Variants in CNTNAP5 observed in about 807,000 individuals in gnomAD.
CNTNAP5 encodes the protein contactin-associated protein-like 5.
In CNTNAP5, 72 loss-of-function variants were observed where a neutral mutation model predicts 150.2. That is an observed-to-expected ratio of 0.48 (90% CI 0.40 to 0.58). The LOEUF (loss-of-function observed/expected upper bound fraction) is 0.58. CNTNAP5 is among the 20% of genes least tolerant of loss of function. CNTNAP5 has a pLI of 0.00. For missense variants in CNTNAP5, 1,636 were observed against 1,626.2 expected, an observed-to-expected ratio of 1.01 and a Z score of -0.10; for synonymous variants, 672 against 619.8, an observed-to-expected ratio of 1.08 and a Z score of -1.25.
intron 18 of CNTNAP5, among the ~76,000 whole-genome samples, chr2:124,793,557 T>G (rs1049466807): frequency 7.2e-5 from 11 of 152,214 alleles, no homozygotes; most frequent in Non-Finnish European, 1.5e-4. Flanking sequence ...TCTAGTCTCC[T>G]ATCTTTTTTA....
chr2:124,027,806 T>G (rs1404071759), intron 1 of CNTNAP5, among the ~76,000 whole-genome samples: 1 of 152,196 alleles, frequency 6.6e-6, no homozygotes, highest in Admixed American at 6.5e-5. Context: ...GAATAATTAT[T>G]AATGATCATT....
At chr2:124,269,500 A>G (rs1687689193) in intron 3 of CNTNAP5, among the ~76,000 whole-genome samples, 1 of 152,108 alleles carries the variant, frequency 6.6e-6, no homozygotes, top group Non-Finnish European at 1.5e-5. Flanking sequence ...CCAGTGAGCG[A>G]CAGGAGTTTT....
At chr2:124,258,667 A>C (rs1437951268) in intron 3 of CNTNAP5, among the ~76,000 whole-genome samples, 3 of 152,176 alleles carry the variant, frequency 2.0e-5, no homozygotes, top group Non-Finnish European at 4.4e-5. Flanking sequence ...GGACATAGGC[A>C]GTTGTGACTG....
Position 124,653,981 on chromosome 2 carries a change from A to C in CNTNAP5, c.2077+6023A>C, listed in dbSNP as rs72974584. On this transcript the variant is annotated intron_variant, in intron 13 of 23. Coordinates refer to ENST00000682447, the MANE Select transcript of CNTNAP5 (RefSeq NM_001367498.1). ...TGATGCTGAAAGGTCCAGAAGGACA[A>C]ATGACTAGAGTATCAGTGGATGTGG... 6.0e-3 allele frequency among the ~76,000 whole-genome samples: 900 copies of C among 149,004 alleles called. 11 individuals are homozygous for C. The highest frequency in any genetic ancestry group is 0.021 in the African/African-American group (845 of 40,566).
rs570743263 is a variant in CNTNAP5 at position 124,558,628 on chromosome 2, CTT to C, written c.1650-4587_1650-4586del. Among the ~76,000 whole-genome samples, 186 of 152,288 alleles carry C rather than the reference CTT, an allele frequency of 1.2e-3. 1 individual carries two copies. The highest frequency in any genetic ancestry group is 4.1e-3 in the Admixed American group (63 of 15,290). On this transcript the variant is annotated intron_variant, in intron 10 of 23. Coordinates refer to ENST00000682447, the MANE Select transcript of CNTNAP5 (RefSeq NM_001367498.1). ...AAAAATTCATATTTCTTCTGTGAAACTTTACAAATTAAAAACAAACTGCCAGA... is the reference window on the plus strand; with the variant it reads ...AAAAATTCATATTTCTTCTGTGAAACTACAAATTAAAAACAAACTGCCAGA...
At position 124,364,864 on chromosome 2, in the gene CNTNAP5, C is replaced by G. The variant is rs185328946; in HGVS notation, c.382-52579C>G. On this transcript the variant is annotated intron_variant, in intron 3 of 23. Coordinates refer to ENST00000682447, the MANE Select transcript of CNTNAP5 (RefSeq NM_001367498.1). ...CTAAGAGTTGTGAGACAGAGCAGAG[C>G]AGTGTGCTTATCTTCCTAGGGCATT... 1.6e-3 allele frequency among the ~76,000 whole-genome samples: 245 copies of G among 150,444 alleles called. 2 individuals are homozygous for G. Among genetic ancestry groups the G allele is most frequent in the African/African-American group, 5.7e-3 (235 of 40,930 alleles).
chr2:124,244,827 T>C (rs1241429505), intron 3 of CNTNAP5, among the ~76,000 whole-genome samples: 3 of 152,152 alleles, frequency 2.0e-5, no homozygotes, highest in Non-Finnish European at 4.4e-5. Context: ...ATGTAATTCT[T>C]TATGTATATT....
At chr2:124,483,953 T>C (rs1693813328) in intron 7 of CNTNAP5, among the ~76,000 whole-genome samples, 1 of 152,234 alleles carries the variant, frequency 6.6e-6, no homozygotes, top group Admixed American at 6.5e-5. Flanking sequence ...CCTTATGGTT[T>C]GACCCTTACT....
intron 8 of CNTNAP5, among the ~76,000 whole-genome samples, chr2:124,510,461 T>A (rs1573424261): frequency 9.5e-6 from 1 of 105,752 alleles, no homozygotes; most frequent in African/African-American, 3.8e-5. Flanking sequence ...AACAAAAAAG[T>A]AAATTTTATG....
intron 21 of CNTNAP5, among the ~76,000 whole-genome samples, chr2:124,885,322 C>T (rs965986229): frequency 1.1e-4 from 17 of 152,070 alleles, no homozygotes; most frequent in Non-Finnish European, 2.1e-4. Context: ...TTCACGTTTA[C>T]AACATACCTT....
chr2:124,453,514 A>G (rs1201134792), intron 6 of CNTNAP5, among the ~76,000 whole-genome samples: 1 of 152,190 alleles, frequency 6.6e-6, no homozygotes, highest in East Asian at 1.9e-4. Context: ...AGATATCCAA[A>G]TACAAGAAGC....
intron 13 of CNTNAP5, among the ~76,000 whole-genome samples, chr2:124,719,711 A>G (rs1038828236): frequency 2.6e-5 from 4 of 152,090 alleles, no homozygotes; most frequent in African/African-American, 9.7e-5. Flanking sequence ...TTTAACTCTC[A>G]ATAATACTGT....
chr2:124,367,030 T>A (rs530800390), intron 3 of CNTNAP5, among the ~76,000 whole-genome samples: 1 of 152,330 alleles, frequency 6.6e-6, no homozygotes, highest in East Asian at 1.9e-4. Flanking sequence ...ACTGGGTTTA[T>A]GTCATGTCTA....
intron 10 of CNTNAP5, among the ~76,000 whole-genome samples, chr2:124,562,325 TTGTTATAATCATGTTTGTTC>T (rs1695911714): frequency 6.6e-6 from 1 of 150,376 alleles, no homozygotes; most frequent in Non-Finnish European, 1.5e-5. Flanking sequence ...ATAATCATGT[TTGTTATAATCATGTTTGTTC>T]TGTTATAATC....
chr2:124,412,317 C>T (rs979233623), intron 3 of CNTNAP5, among the ~76,000 whole-genome samples: 9 of 149,524 alleles, frequency 6.0e-5, no homozygotes, highest in African/African-American at 2.2e-4. Context: ...AGGTAATTTA[C>T]AGATTCAATG....
At chr2:124,609,067 G>A (rs921949618) in intron 11 of CNTNAP5, among the ~76,000 whole-genome samples, 1 of 152,138 alleles carries the variant, frequency 6.6e-6, no homozygotes, top group African/African-American at 2.4e-5. Context: ...CACTCTGCTA[G>A]ATGCTGGGGC....
At chr2:124,371,777 G>A (rs1184178594) in intron 3 of CNTNAP5, among the ~76,000 whole-genome samples, 1 of 152,048 alleles carries the variant, frequency 6.6e-6, no homozygotes, top group Non-Finnish European at 1.5e-5. Flanking sequence ...GGTAGGGAAG[G>A]AAGAGAATGT....
intron 2 of CNTNAP5, among the ~76,000 whole-genome samples, chr2:124,231,628 C>A (rs923181953): frequency 1.3e-5 from 2 of 152,094 alleles, no homozygotes; most frequent in Non-Finnish European, 2.9e-5. Context: ...ATATATCTTG[C>A]CTTTTGAATG....
At chr2:124,728,791 A>C (rs142401326) in intron 13 of CNTNAP5, among the ~76,000 whole-genome samples, 2,724 of 152,198 alleles carry the variant, frequency 0.018, 32 homozygotes, top group Non-Finnish European at 0.027. Context: ...GAATGACACT[A>C]TTCTAAAATC....
Sources: gnomAD v4.1 joint callset for allele counts (sites outside exome capture counted in the v4.1 genomes callset) on GRCh38, gnomAD v4.1.1 for gene constraint, MANE v1.5 for transcripts, NCBI Gene and HGNC (gene_info 2026-07-23, HGNC 2026-07-21) for gene names.